SUPT3H: variants seen among roughly 807,000 people sequenced by gnomAD.
The protein encoded by SUPT3H is SPT3 homolog, SAGA and STAGA complex component.
SUPT3H carries 44 observed loss-of-function variants against 44.3 expected under a neutral mutation model. That is an observed-to-expected ratio of 0.99 (90% CI 0.78 to 1.28). The LOEUF (loss-of-function observed/expected upper bound fraction) is 1.28. Among genes scored for constraint, SUPT3H ranks in the 50% most tolerant of loss-of-function variants. SUPT3H has a pLI of 0.00. For synonymous variants in SUPT3H, 124 were observed against 125.6 expected, an observed-to-expected ratio of 0.99 and a Z score of 0.09; for missense variants, 380 against 387.1, an observed-to-expected ratio of 0.98 and a Z score of 0.15.
At chr6:45,113,827 CAAAAAAA>C (rs374606230) in intron 2 of SUPT3H, among the ~76,000 whole-genome samples, 1 of 112,752 alleles carries the variant, frequency 8.9e-6, no homozygotes, top group East Asian at 2.5e-4. Flanking sequence ...AAGACTCCAT[CAAAAAAA>C]AAAAAAAAAA....
Sources: allele counts gnomAD v4.1 joint callset (sites outside exome capture counted in the v4.1 genomes callset), GRCh38; gene constraint gnomAD v4.1.1; transcripts MANE v1.5; gene names NCBI Gene and HGNC (gene_info 2026-07-23, HGNC 2026-07-21).